MYH14: variants seen among roughly 807,000 people sequenced by gnomAD.
The protein encoded by MYH14 is myosin heavy chain 14.
In MYH14, 123 loss-of-function variants were observed where a neutral mutation model predicts 255.5. That is an observed-to-expected ratio of 0.48 (90% CI 0.42 to 0.56). The LOEUF is 0.56. Ranked by LOEUF, MYH14 falls within the 20% of genes least tolerant of loss-of-function variation. MYH14 has a pLI of 0.00. For missense variants in MYH14, 2,423 were observed against 2,802.3 expected (o/e 0.86, Z 3.06); for synonymous variants, 1,095 against 1,161.2 (o/e 0.94, Z 1.16).
Position 50,281,720 on chromosome 19 carries a change from G to A in MYH14, c.4417G>A (p.Val1473Met), listed in dbSNP as rs112716976. 575 of 1,612,528 alleles carry A rather than the reference G, an allele frequency of 3.6e-4. No homozygotes were observed. The highest frequency in any genetic ancestry group is 2.5e-3 in the African/African-American group (191 of 75,058). Residue 1473 changes from valine (V) to methionine (M), a missense_variant, in exon 33 of 43, where the codon GTG (valine) becomes ATG (methionine). Val to Met is a conservative substitution (Grantham distance 21). Around this residue, in one of 3 missense-constraint regions of MYH14, gnomAD observed 1,513 missense variants for 1,674.8 expected, o/e 0.90. Transcript: ENST00000642316. ...GCGCCTGGCAGAAAAGACAGAGACCGTGGATCGGCTGGAGCGGGGCCGCCG... is the reference window on the plus strand; with the variant it reads ...GCGCCTGGCAGAAAAGACAGAGACCATGGATCGGCTGGAGCGGGGCCGCCG... ...TQRLAEKTETVDRLERGRRRL... is the reference protein window; with the variant it reads ...TQRLAEKTETMDRLERGRRRL...
intron 24 of MYH14, among the ~76,000 whole-genome samples, chr19:50,269,923 G>A (rs930801938): frequency 2.6e-5 from 4 of 152,156 alleles, no homozygotes; most frequent in African/African-American, 9.7e-5. Flanking sequence ...AAATGTCAAG[G>A]CAGCACATAA....
intron 7 of MYH14, among the ~76,000 whole-genome samples, 197 bp downstream of exon 7, chr19:50,225,874 T>C (rs1184017886): frequency 3.8e-5 from 3 of 77,996 alleles, no homozygotes; most frequent in Admixed American, 1.4e-4. Flanking sequence ...GGGCCTGGAC[T>C]CTTGAGTCTG....
intron 36 of MYH14, 42 bp from the exon 37 acceptor site, chr19:50,292,219 T>C (rs2123453600): frequency 1.9e-6 from 3 of 1,551,296 alleles, no homozygotes; most frequent in East Asian, 2.3e-5. Context: ...CCCTGTGCTG[T>C]GTGGCCAGGC....
intron 1 of MYH14, among the ~76,000 whole-genome samples, chr19:50,206,530 A>G (rs1343017670): frequency 6.6e-6 from 1 of 152,052 alleles, no homozygotes; most frequent in African/African-American, 2.4e-5. Context: ...CACGGGGTGG[A>G]GAAACTCCCT....
Position 50,230,442 on chromosome 19 carries a change from C to T in MYH14, c.875-83C>T, listed in dbSNP as rs972254599. 1.5e-5 allele frequency: 18 copies of T among 1,220,630 alleles called. No individual in the cohort carries two copies. In the Admixed American group the frequency reaches 2.6e-4, roughly 17 times the overall value. The allele number at this position is 1,220,630 out of a possible 1,614,324, so 75.6% of individuals were successfully genotyped here. On this transcript the variant is annotated intron_variant, in intron 8 of 42. Transcript: ENST00000642316. The surrounding 1 kb of genome is among the most constrained non-coding windows in gnomAD (Gnocchi z 4.7). ...TACACCACAGGAGAGAAGGGGGCAG[C>T]GTGGGCAGGGCAGGCTCCTGTAGTG...
In MYH14 at chr19:50,266,975, C is replaced by T; in HGVS notation, c.2793C>T (p.Arg931=). The T allele has an allele frequency of 6.4e-7, 1 of 1,564,096 alleles. No individual in the cohort carries two copies. The highest frequency in any genetic ancestry group is 8.6e-7 in the Non-Finnish European group (1 of 1,156,224). ...KVQELQQQSA[R]EVGELQGRVA... Reference sequence around the variant, plus strand: ...AGGAGCTACAGCAGCAGAGCGCCCGCGAAGTTGGGGAGCTCCAGGGCCGAG... The same window carrying T: ...AGGAGCTACAGCAGCAGAGCGCCCGTGAAGTTGGGGAGCTCCAGGGCCGAG... The change falls in exon 23 of 43, where the codon CGC becomes CGT. Residue 931 remains arginine, a synonymous_variant. Transcript: ENST00000642316. This position sits in a 1 kb window ranked among gnomAD's most constrained non-coding sequence, Gnocchi z 4.1.
At position 50,271,936 on chromosome 19, in the gene MYH14, C is replaced by T. The variant is rs368372273; in HGVS notation, c.3259C>T (p.Arg1087Trp). The stretch of plus-strand genomic sequence containing the variant: ...GAAGGTCAAGAGCCTCAATAAGCTA[C>T]GGCTCAAATATGAGGCCACAATCGC... Reference protein sequence around the residue: ...EEKVKSLNKLRLKYEATIADM... With the variant: ...EEKVKSLNKLWLKYEATIADM... Residue 1087 changes from arginine (R) to tryptophan (W), a missense_variant, in exon 26 of 43, where the codon CGG becomes TGG. Physicochemically the swap from Arg to Trp is moderately radical, Grantham distance 101. Around this residue, in one of 3 missense-constraint regions of MYH14, gnomAD observed 1,513 missense variants for 1,674.8 expected, o/e 0.90. Transcript: ENST00000642316. 1.2e-5 allele frequency: 19 copies of T among 1,611,544 alleles called. No homozygotes were observed. The highest frequency in any genetic ancestry group is 6.7e-5 in the Admixed American group (4 of 59,724).
At chr19:50,219,444 A>G (rs2032693167) in intron 3 of MYH14, among the ~76,000 whole-genome samples, 1 of 152,132 alleles carries the variant, frequency 6.6e-6, no homozygotes, top group South Asian at 2.1e-4. Context: ...CTGCTGGTGG[A>G]ATGTAAACTA....
At chr19:50,267,075 C>T (rs2035113440) in intron 23 of MYH14, 67 bp downstream of exon 23, 1 of 1,430,030 alleles carries the variant, frequency 7.0e-7, no homozygotes, top group South Asian at 1.3e-5. Context: ...TGGGTGGAGC[C>T]AGGTGTGAGG....
At chr19:50,224,036 C>CCA in intron 5 of MYH14, 118 bp from the exon 6 acceptor site, 1 of 667,688 alleles carries the variant, frequency 1.5e-6, no homozygotes, top group South Asian at 1.6e-5. Context: ...CCGGTTTCCC[C>CCA]AGTCCCCCTT....
intron 19 of MYH14, among the ~76,000 whole-genome samples, chr19:50,259,878 CA>C (rs1249628157): frequency 6.6e-6 from 1 of 151,440 alleles, no homozygotes. Flanking sequence ...AACTCTGTCT[CA>C]AAAAAATAAA....
Position 50,277,035 on chromosome 19 carries a change from C to T in MYH14, c.3825+134C>T, listed in dbSNP as rs1021509456. 2.1e-5 allele frequency: 14 copies of T among 655,022 alleles called. No individual in the cohort carries two copies. The African/African-American group carries it at 2.5e-4, about 12-fold the overall frequency. The allele number at this position is 655,022 out of a possible 1,614,324, so 40.6% of individuals were successfully genotyped here. Reference sequence around the variant, plus strand: ...GCCCCTTTCCTCACGCATTCATGTGCATCTTTCATTCAGCAAGCATTAATG... The same window carrying T: ...GCCCCTTTCCTCACGCATTCATGTGTATCTTTCATTCAGCAAGCATTAATG... On this transcript the variant is annotated intron_variant, in intron 29 of 42. Coordinates refer to ENST00000642316, the MANE Select transcript of MYH14 (RefSeq NM_001145809.2).
intron 19 of MYH14, among the ~76,000 whole-genome samples, chr19:50,260,411 C>T (rs1009566914): frequency 2.6e-5 from 4 of 152,146 alleles, no homozygotes; most frequent in Admixed American, 6.5e-5. Context: ...GGCGACAGAG[C>T]GAGACTCTGT....
At chr19:50,291,272 C>T (rs2036066595) in intron 36 of MYH14, among the ~76,000 whole-genome samples, 2 of 151,718 alleles carry the variant, frequency 1.3e-5, no homozygotes, top group Admixed American at 1.3e-4. Context: ...GTCAAATTTC[C>T]TCATTTTTTT....
intron 18 of MYH14, 91 bp downstream of exon 18, chr19:50,257,577 G>C (rs757846559): frequency 7.7e-7 from 1 of 1,293,714 alleles, no homozygotes; most frequent in Non-Finnish European, 1.1e-6. Flanking sequence ...TCTGATTCGA[G>C]GACCCTCAAA....
intron 16 of MYH14, 84 bp from the exon 17 acceptor site, chr19:50,255,136 C>T (rs1477016802): frequency 4.6e-6 from 4 of 878,574 alleles, no homozygotes; most frequent in Non-Finnish European, 5.6e-6. Context: ...ACCTCCTCTC[C>T]TTCCCCTCTT....
In MYH14 at chr19:50,268,254, C is replaced by A. The variant is rs757682381; in HGVS notation, c.2920C>A (p.Arg974Ser). 1 of 1,570,536 alleles carries A rather than the reference C, an allele frequency of 6.4e-7. No individual in the cohort carries two copies. Among genetic ancestry groups the A allele is most frequent in the Non-Finnish European group, 8.6e-7 (1 of 1,158,170 alleles). ...GGAGACGCGGGGGAGGCTGGCAGCC[C>A]GCAAGCAGGAGCTGGAGCTGGTGGT... ...AEETRGRLAA[R>S]KQELELVVSE... Residue 974 changes from arginine to serine, a missense_variant, in exon 24 of 43, where the codon CGC becomes AGC. Arg to Ser is a moderately radical substitution (Grantham distance 110, BLOSUM62 -1). Transcript: ENST00000642316.
At chr19:50,233,144 C>T (rs1276764719) in intron 10 of MYH14, among the ~76,000 whole-genome samples, 1 of 151,764 alleles carries the variant, frequency 6.6e-6, no homozygotes, top group African/African-American at 2.4e-5. Flanking sequence ...CTCATCACCC[C>T]CGTGTCAGGG....
intron 10 of MYH14, among the ~76,000 whole-genome samples, chr19:50,242,945 C>A (rs1356572363): frequency 1.3e-5 from 2 of 152,044 alleles, no homozygotes; most frequent in Non-Finnish European, 2.9e-5. Context: ...TCAAATGTCC[C>A]CTGAGCACAG....
Sources: gnomAD v4.1 joint callset for allele counts (sites outside exome capture counted in the v4.1 genomes callset) on GRCh38, gnomAD v4.1.1 for gene constraint, gnomAD v4.1.1 regional missense constraint, Gnocchi (gnomAD v3.1) non-coding constraint, MANE v1.5 for transcripts, NCBI Gene and HGNC (gene_info 2026-07-23, HGNC 2026-07-21) for gene names.